The following ALDH8A1 variants were observed in gnomAD, a reference collection of about 807,000 sequenced individuals.
ALDH8A1 encodes 2-aminomuconic semialdehyde dehydrogenase.
ALDH8A1 carries 39 observed loss-of-function variants against 43.3 expected under a neutral mutation model. That is an observed-to-expected ratio of 0.90 (90% confidence interval 0.70 to 1.18). The LOEUF (loss-of-function observed/expected upper bound fraction) is 1.18. Among genes scored for constraint, ALDH8A1 ranks in the 50% most tolerant of loss-of-function variants. ALDH8A1 has a pLI of 0.00. For missense variants in ALDH8A1, 605 were observed against 622.6 expected (o/e 0.97, Z 0.30); for synonymous variants, 233 against 243.5 (o/e 0.96, Z 0.40).
At chr6:134,929,312 T>A (rs1462773875) in intron 5 of ALDH8A1, 97 bp from the exon 6 acceptor site, 4 of 1,312,784 alleles carry the variant, frequency 3.0e-6, no homozygotes, top group Non-Finnish European at 3.1e-6. Flanking sequence ...CAGGCACTGG[T>A]CTAGGCAATG....
At chr6:134,949,801 T>C in intron 1 of ALDH8A1, 115 bp downstream of exon 1, 1 of 1,215,702 alleles carries the variant, frequency 8.2e-7, no homozygotes. Context: ...CTTCCTTCTA[T>C]CATGTTTAAC....
At chr6:134,938,883 G>A (rs1446695613) in intron 4 of ALDH8A1, among the ~76,000 whole-genome samples, 1 of 152,070 alleles carries the variant, frequency 6.6e-6, no homozygotes, top group Non-Finnish European at 1.5e-5. Context: ...TCCTGACCTC[G>A]TGATCCACCC....
chr6:134,948,733 A>C (rs1773995586), intron 1 of ALDH8A1, among the ~76,000 whole-genome samples: 1 of 152,208 alleles, frequency 6.6e-6, no homozygotes. Context: ...ATTGCTGAGA[A>C]ACTGAACATA....
intron 6 of ALDH8A1, among the ~76,000 whole-genome samples, chr6:134,926,121 A>C (rs1463973754): frequency 6.6e-6 from 1 of 151,632 alleles, no homozygotes; most frequent in Non-Finnish European, 1.5e-5. Flanking sequence ...ATCACCAGTG[A>C]TGAAATAATT....
Position 134,947,729 on chromosome 6 carries a change from A to G in ALDH8A1, c.138+2187T>C, listed in dbSNP as rs577365113. On this transcript the variant is annotated intron_variant, in intron 1 of 6. Coordinates refer to ENST00000265605, the MANE Select transcript of ALDH8A1 (RefSeq NM_022568.4). ...CATCCCAGTTAAAATGGTCATTATC[A>G]AAAAATAAGAAATAAAAAAGGCTGG... Among the ~76,000 whole-genome samples, 5 of 152,300 alleles carry G rather than the reference A, an allele frequency of 3.3e-5. No individual in the cohort carries two copies. In the South Asian group the frequency reaches 8.3e-4, roughly 25 times the overall value.
At chr6:134,927,509 G>A (rs1297067784) in intron 6 of ALDH8A1, among the ~76,000 whole-genome samples, 9 of 151,776 alleles carry the variant, frequency 5.9e-5, no homozygotes, top group African/African-American at 1.5e-4. Context: ...ACACACACAC[G>A]CGTGCATGCA....
chr6:134,933,914 G>A (rs1773679205), intron 4 of ALDH8A1, among the ~76,000 whole-genome samples: 1 of 152,024 alleles, frequency 6.6e-6, no homozygotes, highest in Non-Finnish European at 1.5e-5. Context: ...TCATCATGTT[G>A]GCCAGGCTGG....
chr6:134,936,650 T>C (rs2114697849), intron 4 of ALDH8A1, among the ~76,000 whole-genome samples: 1 of 152,334 alleles, frequency 6.6e-6, no homozygotes, highest in African/African-American at 2.4e-5. Flanking sequence ...GCACTGCATA[T>C]TTATCCCCAC....
intron 5 of ALDH8A1, among the ~76,000 whole-genome samples, chr6:134,930,013 G>A (rs1426452789): frequency 5.3e-5 from 8 of 152,330 alleles, no homozygotes; most frequent in African/African-American, 1.9e-4. Flanking sequence ...ATGCAGAGGA[G>A]TGAAAAGGAC....
At position 134,940,199 on chromosome 6, in the gene ALDH8A1, C is replaced by T. The variant is rs560947301; in HGVS notation, c.443-784G>A. ...CGTTTACCTATGTAACAAACCTGCACGTCCTGCACGTGTACCCTGGAACTT... is the reference window on the plus strand; with the variant it reads ...CGTTTACCTATGTAACAAACCTGCATGTCCTGCACGTGTACCCTGGAACTT... On this transcript the variant is annotated intron_variant, in intron 3 of 6. Transcript: ENST00000265605. 1.8e-4 allele frequency: 65 copies of T among 362,994 alleles called. 1 individual carries two copies. Among genetic ancestry groups the T allele is most frequent in the South Asian group, 1.2e-3 (56 of 47,738 alleles). 22.5% of individuals were successfully genotyped at this position (362,994 alleles called of 1,614,324 possible).
intron 6 of ALDH8A1, among the ~76,000 whole-genome samples, chr6:134,926,762 C>G (rs998159630): frequency 1.4e-4 from 22 of 151,744 alleles, no homozygotes; most frequent in African/African-American, 5.3e-4. Flanking sequence ...TGAGCCAAGA[C>G]CACGCCATTG....
chr6:134,943,509 T>C (rs1321919509), intron 2 of ALDH8A1, among the ~76,000 whole-genome samples: 1 of 152,250 alleles, frequency 6.6e-6, no homozygotes, highest in Non-Finnish European at 1.5e-5. Flanking sequence ...TAGTTCTTCA[T>C]CTCTCCCTAT....
chr6:134,946,354 T>C (rs999011948), intron 1 of ALDH8A1, among the ~76,000 whole-genome samples: 2 of 152,180 alleles, frequency 1.3e-5, no homozygotes, highest in Non-Finnish European at 2.9e-5. Flanking sequence ...AAGAGGAGCA[T>C]GAATTCCTAC....
At chr6:134,944,475 A>G (rs1185949301) in intron 1 of ALDH8A1, among the ~76,000 whole-genome samples, 1 of 152,206 alleles carries the variant, frequency 6.6e-6, no homozygotes, top group Non-Finnish European at 1.5e-5. Flanking sequence ...AGAAACAAAG[A>G]AACGCGCTCC....
At chr6:134,922,579 GGTTTCACCAC>G (rs1410237244) in intron 6 of ALDH8A1, among the ~76,000 whole-genome samples, 1 of 151,764 alleles carries the variant, frequency 6.6e-6, no homozygotes, top group Non-Finnish European at 1.5e-5. Flanking sequence ...GTAGAGATGG[GGTTTCACCAC>G]GTTGGCCAGG....
intron 4 of ALDH8A1, among the ~76,000 whole-genome samples, chr6:134,935,714 A>C (rs1024601880): frequency 6.6e-6 from 1 of 152,126 alleles, no homozygotes; most frequent in African/African-American, 2.4e-5. Flanking sequence ...ATCTCTCCTC[A>C]TTAGAAACAT....
chr6:134,943,403 A>T (rs1177634585), intron 2 of ALDH8A1, among the ~76,000 whole-genome samples: 9 of 152,234 alleles, frequency 5.9e-5, no homozygotes, highest in Non-Finnish European at 1.3e-4. Flanking sequence ...CATATCAGAA[A>T]ACATCCTAAA....
chr6:134,925,646 C>A (rs980794851), intron 6 of ALDH8A1, among the ~76,000 whole-genome samples: 1 of 152,222 alleles, frequency 6.6e-6, no homozygotes, highest in African/African-American at 2.4e-5. Context: ...TCTAAAGATA[C>A]AGCAATGAAT....
At chr6:134,932,713 G>A (rs1777004773) in intron 5 of ALDH8A1, 63 bp downstream of exon 5, 3 of 1,582,708 alleles carry the variant, frequency 1.9e-6, no homozygotes, top group Non-Finnish European at 2.6e-6. Context: ...ATTGCACTGT[G>A]ATAAAACAGA....
Sources: gnomAD v4.1 joint callset for allele counts (sites outside exome capture counted in the v4.1 genomes callset) on GRCh38, gnomAD v4.1.1 for gene constraint, MANE v1.5 for transcripts, NCBI Gene and HGNC (gene_info 2026-07-23, HGNC 2026-07-21) for gene names.